Variants in BMERB1 observed in about 807,000 individuals in gnomAD.
The protein encoded by BMERB1 is bMERB domain containing 1, also known as bMERB domain-containing protein 1.
A neutral mutation model predicts 23.6 loss-of-function variants in BMERB1; 12 were observed. The ratio of observed to expected loss-of-function variants is 0.51; its 90% confidence interval spans 0.33 to 0.82. The LOEUF (loss-of-function observed/expected upper bound fraction) is 0.82. BMERB1 is among the 40% of genes least tolerant of loss of function. The pLI, the probability that BMERB1 is intolerant of heterozygous loss-of-function variation, is 0.03. For synonymous variants in BMERB1, 122 were observed against 96.6 expected (o/e 1.26, Z -1.54); for missense variants, 247 against 255.4 (o/e 0.97, Z 0.22).
At chr16:15,486,372 A>AGGG (rs1025168425) in intron 1 of BMERB1, among the ~76,000 whole-genome samples, 12 of 152,168 alleles carry the variant, frequency 7.9e-5, no homozygotes, top group African/African-American at 2.9e-4. Flanking sequence ...GAATTCAGGA[A>AGGG]GGGGATAGAG....
chr16:15,575,298 A>G (rs1050838527), intron 3 of BMERB1, among the ~76,000 whole-genome samples: 3 of 152,160 alleles, frequency 2.0e-5, no homozygotes, highest in Admixed American at 6.5e-5. Flanking sequence ...TCAGACATAT[A>G]TGCTAAGATG....
At chr16:15,583,577 CAAAAAAAAAAA>C (rs35021259) in intron 5 of BMERB1, among the ~76,000 whole-genome samples, 1 of 61,868 alleles carries the variant, frequency 1.6e-5, no homozygotes, top group African/African-American at 5.2e-5. Flanking sequence ...GACTTTGTCT[CAAAAAAAAAAA>C]AAAAAAAAAA....
chr16:15,455,829 G>A (rs766469408), intron 1 of BMERB1, among the ~76,000 whole-genome samples: 2 of 152,182 alleles, frequency 1.3e-5, no homozygotes, highest in Non-Finnish European at 2.9e-5. Context: ...ACAGTCTACA[G>A]TAGCAAGGCA....
intron 1 of BMERB1, among the ~76,000 whole-genome samples, chr16:15,483,042 C>CT (rs1347457715): frequency 2.0e-5 from 3 of 152,154 alleles, no homozygotes; most frequent in African/African-American, 7.2e-5. Context: ...TTCTAGTAAC[C>CT]TTTTAATATT....
rs529913825 is a variant in BMERB1 at position 15,446,595 on chromosome 16, A to G, written c.106+11836A>G. 4.9e-4 allele frequency among the ~76,000 whole-genome samples: 75 copies of G among 152,114 alleles called. 1 individual carries two copies. Among genetic ancestry groups the G allele is most frequent in the Non-Finnish European group, 9.1e-4 (62 of 68,004 alleles). On this transcript the variant is annotated intron_variant, in intron 1 of 5. Transcript: ENST00000300006. ...TTACAGAGGTTAAGCAATTGGCCCA[A>G]TGTCACTCCACTGATAAGTGGTAGG...
At chr16:15,561,050 G>T (rs971223265) in intron 2 of BMERB1, among the ~76,000 whole-genome samples, 1 of 144,360 alleles carries the variant, frequency 6.9e-6, no homozygotes, top group East Asian at 2.1e-4. Context: ...CTGCCTCCTG[G>T]GTTCAAGTAT....
chr16:15,439,869 A>G (rs1357979648), intron 1 of BMERB1, among the ~76,000 whole-genome samples: 2 of 152,146 alleles, frequency 1.3e-5, no homozygotes, highest in African/African-American at 4.8e-5. Context: ...ATAGATTTGT[A>G]TGTGTCTTAA....
At chr16:15,501,762 C>T (rs1221387874) in intron 1 of BMERB1, among the ~76,000 whole-genome samples, 1 of 152,044 alleles carries the variant, frequency 6.6e-6, no homozygotes, top group Non-Finnish European at 1.5e-5. Context: ...CGTGAGTGAG[C>T]CACCGTGCTC....
intron 1 of BMERB1, among the ~76,000 whole-genome samples, chr16:15,486,828 T>G (rs1266376432): frequency 6.6e-6 from 1 of 152,212 alleles, no homozygotes; most frequent in African/African-American, 2.4e-5. Context: ...TGTGTGATCT[T>G]AGGCAAATTA....
chr16:15,483,108 C>T (rs1236446710), intron 1 of BMERB1, among the ~76,000 whole-genome samples: 1 of 152,178 alleles, frequency 6.6e-6, no homozygotes, highest in African/African-American at 2.4e-5. Flanking sequence ...GCCTTTTTCA[C>T]TCAGCTCTAA....
intron 1 of BMERB1, among the ~76,000 whole-genome samples, chr16:15,503,320 T>A (rs1012154121): frequency 1.3e-5 from 2 of 151,990 alleles, no homozygotes; most frequent in Admixed American, 1.3e-4. Flanking sequence ...CTCGCTCTGT[T>A]GCCCAGGCTG....
In BMERB1 at chr16:15,434,755, G is replaced by C; in HGVS notation, c.102G>C (p.Gly34=). 3 of 687,596 alleles carry C rather than the reference G, an allele frequency of 4.4e-6. No homozygotes were observed. The highest frequency in any genetic ancestry group is 7.3e-6 in the Non-Finnish European group (3 of 408,804). 42.6% of individuals were successfully genotyped at this position (687,596 alleles called of 1,614,324 possible). ...CGGCTTGGAAAACGGAGAGACTGGG[G>C]AGAAGTGAGTACTGGGGCGGGGGGC... ...EETAWKTERL[G]RNQLDIISMA... The change falls in exon 1 of 6, where the codon GGG becomes GGC. Residue 34 remains glycine (G), a synonymous_variant. Coordinates refer to ENST00000300006, the MANE Select transcript of BMERB1 (RefSeq NM_033201.3).
At position 15,586,930 on chromosome 16, in the gene BMERB1, G is replaced by A; in HGVS notation, c.*101G>A. 1.2e-6 allele frequency: 1 copy of A among 808,414 alleles called. No homozygotes were observed. Among genetic ancestry groups the A allele is most frequent in the Admixed American group, 2.8e-5 (1 of 35,952 alleles). The allele number at this position is 808,414 out of a possible 1,614,324, so 50.1% of individuals were successfully genotyped here. On this transcript the variant is annotated 3_prime_UTR_variant, in exon 6 of 6. Transcript: ENST00000300006. ...CCCAAGAGCTCTCCAAGGCAGAAGG[G>A]GTTGAAGGCAAGCCCGTGACTGTCA...
chr16:15,471,940 A>G (rs1222287553), intron 1 of BMERB1, among the ~76,000 whole-genome samples: 1 of 152,140 alleles, frequency 6.6e-6, no homozygotes, highest in Non-Finnish European at 1.5e-5. Context: ...TCTGTATCAC[A>G]TATGTTTTGA....
At chr16:15,466,596 GC>G (rs1308293801) in intron 1 of BMERB1, among the ~76,000 whole-genome samples, 2 of 151,998 alleles carry the variant, frequency 1.3e-5, no homozygotes, top group African/African-American at 4.8e-5. Flanking sequence ...ATCTATGTAT[GC>G]CTTTCACCCA....
At chr16:15,454,140 G>T (rs1288570019) in intron 1 of BMERB1, among the ~76,000 whole-genome samples, 1 of 152,160 alleles carries the variant, frequency 6.6e-6, no homozygotes, top group African/African-American at 2.4e-5. Context: ...AATGGAGGAA[G>T]ACTTCAGACA....
chr16:15,574,223 G>A (rs1014885878), intron 3 of BMERB1, among the ~76,000 whole-genome samples: 1 of 152,142 alleles, frequency 6.6e-6, no homozygotes, highest in African/African-American at 2.4e-5. Flanking sequence ...GATCTCATGG[G>A]AACTCGCTCA....
At chr16:15,484,125 A>G (rs1161575618) in intron 1 of BMERB1, among the ~76,000 whole-genome samples, 1 of 152,222 alleles carries the variant, frequency 6.6e-6, no homozygotes, top group Non-Finnish European at 1.5e-5. Context: ...AACTCACTCA[A>G]TCCTGCAAAC....
chr16:15,551,514 A>G (rs2030091722), intron 2 of BMERB1, among the ~76,000 whole-genome samples: 1 of 152,216 alleles, frequency 6.6e-6, no homozygotes, highest in African/African-American at 2.4e-5. Flanking sequence ...TTCCAGAAGG[A>G]GAAGGGATTA....
Sources: gnomAD v4.1 joint callset for allele counts (sites outside exome capture counted in the v4.1 genomes callset) on GRCh38, gnomAD v4.1.1 for gene constraint, MANE v1.5 for transcripts, NCBI Gene and HGNC (gene_info 2026-07-23, HGNC 2026-07-21) for gene names.